Variants in ASCC3 observed in about 807,000 individuals in gnomAD.
ASCC3 encodes activating signal cointegrator 1 complex subunit 3, also known as ASC-1 complex subunit P200.
In ASCC3, 158 loss-of-function variants were observed where a neutral mutation model predicts 256.3. That is an observed-to-expected ratio of 0.62 (90% CI 0.54 to 0.70). The LOEUF is 0.70. ASCC3 is among the 30% of genes least tolerant of loss of function. The pLI is 0.00. For synonymous variants in ASCC3, 948 were observed against 883.4 expected, an observed-to-expected ratio of 1.07 and a Z score of -1.30; for missense variants, 2,259 against 2,626.0, an observed-to-expected ratio of 0.86 and a Z score of 3.05.
chr6:100,668,993 C>T (rs567086215), intron 14 of ASCC3, among the ~76,000 whole-genome samples: 230 of 151,212 alleles, frequency 1.5e-3, no homozygotes, highest in African/African-American at 5.1e-3. Flanking sequence ...TGAGAAAAAA[C>T]GAATATAAAT....
At chr6:100,692,574 G>A (rs1239097969) in intron 13 of ASCC3, among the ~76,000 whole-genome samples, 2 of 151,770 alleles carry the variant, frequency 1.3e-5, no homozygotes, top group East Asian at 1.9e-4. Context: ...TTTTCTAGTT[G>A]GAATTTTAAA....
intron 37 of ASCC3, among the ~76,000 whole-genome samples, chr6:100,532,705 CAAT>C (rs1458895297): frequency 6.6e-6 from 1 of 151,798 alleles, no homozygotes; most frequent in Non-Finnish European, 1.5e-5. Context: ...TTTTAAGAAA[CAAT>C]GACACATTAA....
chr6:100,558,115 T>C (rs1284605416), intron 36 of ASCC3, among the ~76,000 whole-genome samples: 3 of 149,708 alleles, frequency 2.0e-5, no homozygotes, highest in African/African-American at 7.3e-5. Flanking sequence ...CATATTTTGG[T>C]TTATTATAGT....
intron 40 of ASCC3, 93 bp from the exon 41 acceptor site, chr6:100,510,200 C>T: frequency 7.6e-7 from 1 of 1,312,252 alleles, no homozygotes; most frequent in Non-Finnish European, 1.1e-6. Context: ...TACTTGAAGG[C>T]CATACATCTA....
intron 22 of ASCC3, 115 bp downstream of exon 22, chr6:100,646,500 T>C: frequency 8.8e-7 from 1 of 1,138,130 alleles, no homozygotes; most frequent in Non-Finnish European, 1.2e-6. Context: ...TTAAAATAAA[T>C]CCTCAATATA....
At chr6:100,731,194 G>A (rs1275111647) in intron 10 of ASCC3, among the ~76,000 whole-genome samples, 1 of 152,128 alleles carries the variant, frequency 6.6e-6, no homozygotes, top group Non-Finnish European at 1.5e-5. Flanking sequence ...ATTGGGGAGA[G>A]ACGTTCTCCT....
chr6:100,847,342 T>C (rs1021590829), intron 4 of ASCC3, among the ~76,000 whole-genome samples: 23 of 152,128 alleles, frequency 1.5e-4, no homozygotes, highest in African/African-American at 5.3e-4. Flanking sequence ...ACAGATCTGA[T>C]AAAAATTAAA....
At chr6:100,661,617 T>A (rs1002962966) in intron 16 of ASCC3, among the ~76,000 whole-genome samples, 189 bp downstream of exon 16, 6 of 151,926 alleles carry the variant, frequency 3.9e-5, no homozygotes, top group Non-Finnish European at 8.8e-5. Flanking sequence ...TAGATTTTTA[T>A]CAGTTATCAT....
At chr6:100,827,401 T>G (rs1771370549) in intron 4 of ASCC3, among the ~76,000 whole-genome samples, 1 of 152,226 alleles carries the variant, frequency 6.6e-6, no homozygotes, top group Non-Finnish European at 1.5e-5. Context: ...TTTTGCCTTT[T>G]GCAGAAGGTC....
intron 36 of ASCC3, among the ~76,000 whole-genome samples, chr6:100,586,581 C>T (rs866685838): frequency 5.9e-5 from 9 of 152,096 alleles, no homozygotes; most frequent in Non-Finnish European, 1.2e-4. Flanking sequence ...GCACGGTGTG[C>T]TGCACCCACT....
intron 10 of ASCC3, among the ~76,000 whole-genome samples, chr6:100,763,228 G>A (rs1386766007): frequency 1.3e-5 from 2 of 152,136 alleles, no homozygotes; most frequent in East Asian, 3.9e-4. Flanking sequence ...GAAGAACAGG[G>A]TAAAAAGATT....
chr6:100,686,038 A>G (rs1044409162), intron 13 of ASCC3, among the ~76,000 whole-genome samples: 3 of 152,220 alleles, frequency 2.0e-5, no homozygotes, highest in African/African-American at 7.2e-5. Context: ...GCAAATACTC[A>G]ATGTGTCTTA....
At chr6:100,522,550 A>G (rs1261486345) in intron 37 of ASCC3, among the ~76,000 whole-genome samples, 1 of 151,928 alleles carries the variant, frequency 6.6e-6, no homozygotes, top group East Asian at 1.9e-4. Context: ...CCTGGGCACA[A>G]AGTGGGCAGT....
Position 100,510,053 on chromosome 6 carries a change from C to T in ASCC3, c.6340G>A (p.Gly2114Arg), listed in dbSNP as rs2114597420. The T allele has an allele frequency of 1.2e-6, 2 of 1,614,154 alleles. No homozygotes were observed. The highest frequency in any genetic ancestry group is 1.3e-5 in the African/African-American group (1 of 75,032). The change falls in exon 41 of 42, where the codon GGA (glycine) becomes AGA (arginine). Residue 2114 changes from glycine (G) to arginine (R), a missense_variant. Transcript: ENST00000369162. ...ACTTCTCCTAATATCAAAAACCATC[C>T]TTCGTCTTTTGATTTGGGAAATCGA... ...TPRFPKSKDE[G>R]WFLILGEVDK...
At chr6:100,719,743 T>A (rs1779236296) in intron 11 of ASCC3, among the ~76,000 whole-genome samples, 1 of 151,950 alleles carries the variant, frequency 6.6e-6, no homozygotes, top group Non-Finnish European at 1.5e-5. Flanking sequence ...TTACAAAAAA[T>A]TAAAAATTTA....
intron 36 of ASCC3, among the ~76,000 whole-genome samples, chr6:100,585,412 C>T (rs1771595479): frequency 6.6e-6 from 1 of 152,176 alleles, no homozygotes; most frequent in East Asian, 1.9e-4. Flanking sequence ...AGTTCTCGAG[C>T]CTTGGCTTTC....
At chr6:100,642,975 T>C (rs1478398213) in intron 23 of ASCC3, among the ~76,000 whole-genome samples, 2 of 152,174 alleles carry the variant, frequency 1.3e-5, no homozygotes, top group Non-Finnish European at 2.9e-5. Flanking sequence ...ATTATTTACA[T>C]ATGCATATAA....
At chr6:100,720,386 G>A (rs914577871) in intron 11 of ASCC3, among the ~76,000 whole-genome samples, 3 of 151,868 alleles carry the variant, frequency 2.0e-5, no homozygotes, top group African/African-American at 7.2e-5. Context: ...CATAGAAGTG[G>A]CATTTGATGG....
chr6:100,564,587 C>G (rs1562122139), intron 36 of ASCC3, among the ~76,000 whole-genome samples: 3 of 152,172 alleles, frequency 2.0e-5, no homozygotes, highest in Non-Finnish European at 4.4e-5. Flanking sequence ...ACTTTCAAGA[C>G]TGTTACTACC....
Sources: gnomAD v4.1 joint callset for allele counts (sites outside exome capture counted in the v4.1 genomes callset) on GRCh38, gnomAD v4.1.1 for gene constraint, MANE v1.5 for transcripts, NCBI Gene and HGNC (gene_info 2026-07-23, HGNC 2026-07-21) for gene names.